The following PKHD1 variants were observed in gnomAD, a reference collection of about 807,000 sequenced individuals.
PKHD1 encodes PKHD1 ciliary IPT domain containing fibrocystin/polyductin.
Under a neutral mutation model 412.0 loss-of-function variants are expected in PKHD1, and 291 were observed. The ratio of observed to expected loss-of-function variants is 0.71; its 90% CI spans 0.64 to 0.78. The LOEUF is 0.78. Ranked by LOEUF, PKHD1 falls within the 30% of genes least tolerant of loss-of-function variation. The pLI is 0.00. For missense variants in PKHD1, 4,825 were observed against 4,950.7 expected (o/e 0.97, Z 0.76); for synonymous variants, 1,777 against 1,821.5 (o/e 0.98, Z 0.62).
At position 51,950,879 on chromosome 6, in the gene PKHD1, G is replaced by A. The variant is rs547661665; in HGVS notation, c.5908+8991C>T. ...AGAGTCTCCAGTTTCTGAAGGTCACGGTGAAGTTGAATTGCTCCTCCGGGT... is the reference window on the plus strand; with the variant it reads ...AGAGTCTCCAGTTTCTGAAGGTCACAGTGAAGTTGAATTGCTCCTCCGGGT... On this transcript the variant is annotated intron_variant, in intron 36 of 66. Coordinates refer to ENST00000371117, the MANE Select transcript of PKHD1 (RefSeq NM_138694.4). Among the ~76,000 whole-genome samples the A allele has an allele frequency of 2.8e-4, 43 of 152,256 alleles. 1 individual carries two copies. The Middle Eastern group carries it at 0.01, about 36-fold the overall frequency.
intron 46 of PKHD1, among the ~76,000 whole-genome samples, chr6:51,873,243 C>A (rs995381974): frequency 6.6e-6 from 1 of 152,092 alleles, no homozygotes; most frequent in Non-Finnish European, 1.5e-5. Flanking sequence ...ACCAAACTTA[C>A]AAATGATGAA....
chr6:51,901,652 C>G (rs1203910703), intron 43 of PKHD1, among the ~76,000 whole-genome samples: 1 of 144,994 alleles, frequency 6.9e-6, no homozygotes, highest in East Asian at 2.0e-4. Flanking sequence ...CTCATGTACC[C>G]TAAAACTTAA....
intron 59 of PKHD1, among the ~76,000 whole-genome samples, chr6:51,744,974 A>G (rs1785010964): frequency 6.6e-6 from 1 of 152,184 alleles, no homozygotes; most frequent in Admixed American, 6.5e-5. Flanking sequence ...GAAAACCTAC[A>G]AAAGACAGGC....
At chr6:52,042,190 C>A (rs772989852) in intron 27 of PKHD1, among the ~76,000 whole-genome samples, 7 of 152,108 alleles carry the variant, frequency 4.6e-5, no homozygotes, top group Non-Finnish European at 8.8e-5. Flanking sequence ...ATTCACTCTT[C>A]TAGGCAAAAT....
chr6:52,061,860 G>GA (rs1808726869), intron 14 of PKHD1, among the ~76,000 whole-genome samples: 1 of 152,046 alleles, frequency 6.6e-6, no homozygotes, highest in Non-Finnish European at 1.5e-5. Context: ...ACACACTAAG[G>GA]AAACAGTGTG....
At position 51,659,642 on chromosome 6, in the gene PKHD1, A is replaced by G; in HGVS notation, c.10484T>C (p.Leu3495Pro). 1 of 1,613,628 alleles carries G rather than the reference A, an allele frequency of 6.2e-7. No individual in the cohort carries two copies. Among genetic ancestry groups the G allele is most frequent in the African/African-American group, 1.3e-5 (1 of 75,034 alleles). The change falls in exon 61 of 67, where the codon CTC (leucine) becomes CCC (proline). Residue 3495 changes from leucine to proline, a missense_variant. Coordinates refer to ENST00000371117, the MANE Select transcript of PKHD1 (RefSeq NM_138694.4). ...LLGNKSTSKL[L>P]LAVFYHELQS... ...GAGCTCATGGTAGAATACAGCCAAG[A>G]GAAGCTTGGAGGTACTTTTGTTCCC...
chr6:51,639,285 G>T (rs1309941846), intron 63 of PKHD1, among the ~76,000 whole-genome samples: 1 of 152,056 alleles, frequency 6.6e-6, no homozygotes, highest in African/African-American at 2.4e-5. Context: ...ATTAAATTAT[G>T]TGGTACTGGG....
At chr6:51,757,612 A>G (rs1405251989) in intron 55 of PKHD1, among the ~76,000 whole-genome samples, 1 of 152,120 alleles carries the variant, frequency 6.6e-6, no homozygotes, top group Non-Finnish European at 1.5e-5. Context: ...TCAATTTGAC[A>G]TAAAAAATGC....
At chr6:51,968,585 G>T (rs149751610) in intron 35 of PKHD1, among the ~76,000 whole-genome samples, 6 of 152,128 alleles carry the variant, frequency 3.9e-5, no homozygotes, top group African/African-American at 1.4e-4. Flanking sequence ...ACTGAATATA[G>T]GGCTGGGTAT....
At chr6:52,014,090 T>C (rs530969895) in intron 34 of PKHD1, among the ~76,000 whole-genome samples, 1 of 152,346 alleles carries the variant, frequency 6.6e-6, no homozygotes, top group Admixed American at 6.5e-5. Flanking sequence ...CTCTTTACTT[T>C]GGCCTTCAAT....
intron 60 of PKHD1, among the ~76,000 whole-genome samples, chr6:51,687,197 G>A (rs1239250067): frequency 6.6e-6 from 1 of 151,992 alleles, no homozygotes; most frequent in Non-Finnish European, 1.5e-5. Flanking sequence ...AGTTAGTTAG[G>A]CATATGAATT....
At chr6:51,903,435 G>A (rs1323145365) in intron 43 of PKHD1, among the ~76,000 whole-genome samples, 162 bp downstream of exon 43, 1 of 152,078 alleles carries the variant, frequency 6.6e-6, no homozygotes, top group African/African-American at 2.4e-5. Context: ...CAGCTCATCA[G>A]CTGTCATTAG....
At chr6:52,033,766 T>G (rs551383741) in intron 28 of PKHD1, among the ~76,000 whole-genome samples, 2 of 152,116 alleles carry the variant, frequency 1.3e-5, no homozygotes, top group South Asian at 4.2e-4. Flanking sequence ...AGAACAGAGA[T>G]AGCTTCAAGG....
chr6:51,843,280 G>C (rs1770558738), intron 50 of PKHD1, among the ~76,000 whole-genome samples: 1 of 152,240 alleles, frequency 6.6e-6, no homozygotes, highest in Non-Finnish European at 1.5e-5. Context: ...AGAGTGGGGT[G>C]TCAGCAGATG....
intron 33 of PKHD1, among the ~76,000 whole-genome samples, chr6:52,018,823 C>G (rs1800950162): frequency 6.6e-6 from 1 of 152,124 alleles, no homozygotes; most frequent in South Asian, 2.1e-4. Flanking sequence ...CCAAGTTGAC[C>G]AACTTTTTTA....
intron 60 of PKHD1, among the ~76,000 whole-genome samples, chr6:51,694,529 G>A (rs1778556640): frequency 8.1e-6 from 1 of 123,928 alleles, no homozygotes; most frequent in African/African-American, 3.1e-5. Flanking sequence ...GATTACAGGT[G>A]CCCGCCACCA....
At chr6:51,890,384 G>T (rs912980959) in intron 43 of PKHD1, among the ~76,000 whole-genome samples, 1 of 150,664 alleles carries the variant, frequency 6.6e-6, no homozygotes, top group Middle Eastern at 3.4e-3. Flanking sequence ...GTCACGGACA[G>T]AACAGGCATT....
intron 52 of PKHD1, among the ~76,000 whole-genome samples, chr6:51,822,142 C>A (rs1163004820): frequency 6.6e-6 from 1 of 152,182 alleles, no homozygotes. Context: ...ACCAGGGACA[C>A]AACCTGGCTG....
At chr6:51,910,546 G>T (rs1782783149) in intron 39 of PKHD1, among the ~76,000 whole-genome samples, 1 of 152,098 alleles carries the variant, frequency 6.6e-6, no homozygotes, top group African/African-American at 2.4e-5. Flanking sequence ...CTTATTTTGA[G>T]AATATTGTAG....
Sources: gnomAD v4.1 joint callset for allele counts (sites outside exome capture counted in the v4.1 genomes callset) on GRCh38, gnomAD v4.1.1 for gene constraint, MANE v1.5 for transcripts, NCBI Gene and HGNC (gene_info 2026-07-23, HGNC 2026-07-21) for gene names.